NCOR2: variants seen among roughly 807,000 people sequenced by gnomAD.
NCOR2 encodes the protein CTG repeat protein 26.
A neutral mutation model predicts 262.9 loss-of-function variants in NCOR2; 81 were observed. The observed-to-expected ratio is 0.31, with a 90% confidence interval of 0.26 to 0.37. The LOEUF (loss-of-function observed/expected upper bound fraction) is 0.37. Among genes scored for constraint, NCOR2 ranks in the 10% least tolerant of loss-of-function variants. The pLI is 1.00. For missense variants in NCOR2, 3,385 were observed against 3,621.4 expected (o/e 0.93, Z 1.68); for synonymous variants, 1,659 against 1,559.3 (o/e 1.06, Z -1.51).
intron 44 of NCOR2, chr12:124,329,074 C>A (rs763432005): frequency 2.1e-6 from 1 of 469,130 alleles, no homozygotes; most frequent in African/African-American, 2.0e-5. Context: ...CCAGGCTTAA[C>A]GATCTCCATT....
rs1222895334 is a variant in NCOR2, at chr12:124,482,450, G to A, written c.411+1146C>T. Among the ~76,000 whole-genome samples the A allele has an allele frequency of 6.6e-6, 1 of 152,172 alleles. No individual in the cohort carries two copies. Among genetic ancestry groups the A allele is most frequent in the Non-Finnish European group, 1.5e-5 (1 of 67,996 alleles). On this transcript the variant is annotated intron_variant, in intron 3 of 46. Coordinates refer to ENST00000405201, the Ensembl canonical transcript of NCOR2. This position sits in a 1 kb window ranked among gnomAD's most constrained non-coding sequence, Gnocchi z 6.3. ...TCTCCCCGAGAGAAGGCCGAGTCTG[G>A]CCCAGGTGGCCTGGCCCCGCAGCCA...
chr12:124,354,801 C>A (rs776261936), intron 25 of NCOR2, 36 bp downstream of exon 27: 2 of 1,594,548 alleles, frequency 1.3e-6, no homozygotes, highest in African/African-American at 2.7e-5. Context: ...CAGAGCCCAG[C>A]CTGAGCCACC....
intron 11 of NCOR2, among the ~76,000 whole-genome samples, chr12:124,422,977 A>G (rs897196440): frequency 6.6e-6 from 1 of 152,088 alleles, no homozygotes; most frequent in East Asian, 1.9e-4. Context: ...GGGCCCCACC[A>G]GTGGGGTCAT....
At chr12:124,529,864 T>G (rs1176951570) in intron 1 of NCOR2, 1 of 152,244 alleles carries the variant, frequency 6.6e-6, no homozygotes, top group Non-Finnish European at 1.5e-5. Context: ...CCACTGCAGG[T>G]GGGCATGCAA....
chr12:124,333,876 G>C (rs1197910375), intron 41 of NCOR2, among the ~76,000 whole-genome samples: 2 of 115,258 alleles, frequency 1.7e-5, no homozygotes, highest in Admixed American at 8.8e-5. Context: ...GCGCATGTGT[G>C]CGGGTGTGCA....
intron 10 of NCOR2, among the ~76,000 whole-genome samples, chr12:124,428,106 C>T (rs1285270048): frequency 1.6e-5 from 1 of 61,078 alleles, no homozygotes; most frequent in Non-Finnish European, 5.1e-5. Context: ...ACAATCAGCC[C>T]AGGTGCCACA....
At chr12:124,438,817 C>A (rs1216802878) in intron 7 of NCOR2, among the ~76,000 whole-genome samples, 25 of 15,978 alleles carry the variant, frequency 1.6e-3, no homozygotes, top group East Asian at 3.7e-3. Context: ...AGACGGAGAC[C>A]CAGAGAGAGG....
chr12:124,479,771 C>G (rs2047339645), intron 3 of NCOR2, among the ~76,000 whole-genome samples: 4 of 152,248 alleles, frequency 2.6e-5, no homozygotes, highest in Admixed American at 2.6e-4. Flanking sequence ...GAGGAGGGCA[C>G]CCCACCAGGG....
intron 13 of NCOR2, among the ~76,000 whole-genome samples, chr12:124,412,889 G>T (rs554226976): frequency 6.6e-6 from 1 of 152,326 alleles, no homozygotes; most frequent in East Asian, 1.9e-4. Flanking sequence ...ACTGGGACAC[G>T]TCCCCTCACA....
chr12:124,499,832 G>A (rs1219184924), upstream of NCOR2, among the ~76,000 whole-genome samples: 1 of 152,148 alleles, frequency 6.6e-6, no homozygotes, highest in African/African-American at 2.4e-5. Context: ...AGGCACTGGG[G>A]ACAGCAAGAG....
At chr12:124,547,226 C>T (rs763518254) in intron 1 of NCOR2, among the ~76,000 whole-genome samples, 5 of 151,706 alleles carry the variant, frequency 3.3e-5, no homozygotes, top group Non-Finnish European at 4.4e-5. Context: ...CTCCTGGCCT[C>T]AAGAGATCCA....
At chr12:124,355,521 G>A (rs370396690) in exon 24 of NCOR2, 28 of 1,603,650 alleles carry the variant, frequency 1.7e-5, no homozygotes, top group African/African-American at 1.3e-4. Flanking sequence ...GTGGGTGGGC[G>A]CGGCAGGACG....
At chr12:124,428,044 A>AGTGTGT (rs55965573) in intron 10 of NCOR2, among the ~76,000 whole-genome samples, 2,610 of 112,442 alleles carry the variant, frequency 0.023, 115 homozygotes, top group South Asian at 0.047. Context: ...CCATGTGGCC[A>AGTGTGT]GTGTGTGTGT....
At chr12:124,338,524 A>AAAAG (rs2036090078) in intron 37 of NCOR2, among the ~76,000 whole-genome samples, 1 of 148,608 alleles carries the variant, frequency 6.7e-6, no homozygotes, top group South Asian at 2.1e-4. Flanking sequence ...AAAAAAAAAA[A>AAAAG]GGTTCCGGGC....
chr12:124,424,511 CCCCA>C (rs2043420444), intron 11 of NCOR2, among the ~76,000 whole-genome samples: 1 of 152,156 alleles, frequency 6.6e-6, no homozygotes, highest in Non-Finnish European at 1.5e-5. Flanking sequence ...GGGCTCATTA[CCCCA>C]CCCCTCTATT....
chr12:124,442,355 G>A (rs764496137), intron 7 of NCOR2, among the ~76,000 whole-genome samples: 2 of 152,126 alleles, frequency 1.3e-5, no homozygotes, highest in South Asian at 2.1e-4. Context: ...TGCCCAGCTC[G>A]TCTCCAACTC....
At position 124,386,883 on chromosome 12, in the gene NCOR2, G is replaced by A. The variant is rs192162329; in HGVS notation, c.1877-996C>T. ...GTCTCCAGCGGCGTGACCTTGTGTGGCCCAGCCAGTCCATGCAGGTAGGGC... is the reference window on the plus strand; with the variant it reads ...GTCTCCAGCGGCGTGACCTTGTGTGACCCAGCCAGTCCATGCAGGTAGGGC... On this transcript the variant is annotated intron_variant, in intron 16 of 46. Coordinates refer to ENST00000405201, the Ensembl canonical transcript of NCOR2. Among the ~76,000 whole-genome samples the A allele has an allele frequency of 5.9e-3, 892 of 152,346 alleles. 10 individuals are homozygous for A. The highest frequency in any genetic ancestry group is 0.021 in the African/African-American group (860 of 41,574).
intron 27 of NCOR2, among the ~76,000 whole-genome samples, chr12:124,352,949 C>T (rs1156757060): frequency 6.6e-6 from 1 of 152,212 alleles, no homozygotes; most frequent in Non-Finnish European, 1.5e-5. Flanking sequence ...ACCACGTGGT[C>T]CCTGCCTATG....
intron 16 of NCOR2, among the ~76,000 whole-genome samples, chr12:124,392,597 G>A (rs962847296): frequency 3.9e-5 from 6 of 152,136 alleles, no homozygotes; most frequent in Non-Finnish European, 5.9e-5. Flanking sequence ...ACTGCCTACC[G>A]GCCCGCCCAC....
Sources: allele counts gnomAD v4.1 joint callset (sites outside exome capture counted in the v4.1 genomes callset), GRCh38; gene constraint gnomAD v4.1.1; non-coding constraint Gnocchi (gnomAD v3.1); transcripts MANE v1.5; gene names NCBI Gene and HGNC (gene_info 2026-07-23, HGNC 2026-07-21).